The following RAI14 variants were observed in gnomAD, a reference collection of about 807,000 sequenced individuals.
RAI14 encodes retinoic acid induced 14.
In RAI14, 45 loss-of-function variants were observed where a neutral mutation model predicts 115.4. The observed-to-expected ratio is 0.39, with a 90% CI of 0.31 to 0.50. The LOEUF (loss-of-function observed/expected upper bound fraction) is 0.50. Among genes scored for constraint, RAI14 ranks in the 20% least tolerant of loss-of-function variants. The probability of loss-of-function intolerance (pLI) is 0.85; values close to 1 mark genes in which losing one functional copy is unlikely to be tolerated. For missense variants in RAI14, 939 were observed against 1,131.2 expected, an observed-to-expected ratio of 0.83 and a Z score of 2.44; for synonymous variants, 371 against 415.4, an observed-to-expected ratio of 0.89 and a Z score of 1.30.
intron 5 of RAI14, among the ~76,000 whole-genome samples, chr5:34,805,635 T>A (rs1050282290): frequency 1.3e-5 from 2 of 151,706 alleles, no homozygotes; most frequent in African/African-American, 2.4e-5. Context: ...AGGCCAGGAG[T>A]TCGTGACCAG....
intron 16 of RAI14, 107 bp downstream of exon 16, chr5:34,826,586 C>G: frequency 7.2e-7 from 1 of 1,381,618 alleles, no homozygotes; most frequent in Non-Finnish European, 9.7e-7. Context: ...ATTCCCAGCC[C>G]AAAGGAATGT....
At chr5:34,682,338 A>G (rs1201171112) in intron 1 of RAI14, among the ~76,000 whole-genome samples, 3 of 152,108 alleles carry the variant, frequency 2.0e-5, no homozygotes, top group Non-Finnish European at 2.9e-5. Context: ...TAAATCTTAG[A>G]ACATTTTCAT....
chr5:34,739,655 G>A (rs1314942739), intron 2 of RAI14, among the ~76,000 whole-genome samples: 2 of 152,192 alleles, frequency 1.3e-5, no homozygotes, highest in Admixed American at 1.3e-4. Context: ...GTTAAGCCCA[G>A]TGTTCTGCTT....
At chr5:34,828,133 A>G (rs1225955542) in intron 16 of RAI14, among the ~76,000 whole-genome samples, 1 of 152,138 alleles carries the variant, frequency 6.6e-6, no homozygotes, top group Non-Finnish European at 1.5e-5. Flanking sequence ...AAGTAAGTAG[A>G]TAGGTATCTG....
intron 15 of RAI14, 36 bp from the exon 16 acceptor site, chr5:34,826,294 T>C: frequency 6.3e-7 from 1 of 1,590,654 alleles, no homozygotes; most frequent in South Asian, 1.1e-5. Context: ...TGTAGACATG[T>C]TACTGTCTGC....
At chr5:34,681,850 T>G (rs1443942837) in intron 1 of RAI14, among the ~76,000 whole-genome samples, 1 of 68,754 alleles carries the variant, frequency 1.5e-5, no homozygotes, top group East Asian at 2.6e-4. Context: ...GGAATTTTCT[T>G]TCTTTCTTTT....
At chr5:34,698,386 T>A (rs1477651428) in intron 2 of RAI14, among the ~76,000 whole-genome samples, 1 of 151,658 alleles carries the variant, frequency 6.6e-6, no homozygotes, top group African/African-American at 2.4e-5. Flanking sequence ...TGCCTGGCAT[T>A]TGTAGTACCT....
At chr5:34,670,140 C>G (rs148223309) in intron 1 of RAI14, among the ~76,000 whole-genome samples, 1 of 152,328 alleles carries the variant, frequency 6.6e-6, no homozygotes, top group African/African-American at 2.4e-5. Context: ...AGAGGGACCT[C>G]TATGTGCCAG....
intron 5 of RAI14, 119 bp downstream of exon 5, chr5:34,803,895 C>A: frequency 1.2e-6 from 1 of 848,598 alleles, no homozygotes; most frequent in Non-Finnish European, 1.8e-6. Flanking sequence ...GTCCCCAAAC[C>A]TGTGTTTCCT....
Position 34,752,731 on chromosome 5 carries a change from GTGTGTGTGTGTGTGTGTGTA to G in RAI14, c.37-4735_37-4716del, listed in dbSNP as rs1561312108. Among the ~76,000 whole-genome samples, 11 of 99,026 alleles carry G rather than the reference GTGTGTGTGTGTGTGTGTGTA, an allele frequency of 1.1e-4. No homozygotes were observed. In the South Asian group the frequency reaches 2.3e-3, roughly 21 times the overall value. 65.0% of individuals were successfully genotyped at this position (99,026 alleles called of 152,430 possible). On this transcript the variant is annotated intron_variant, in intron 2 of 17. Transcript: ENST00000265109. ...TGTGTGTGTGTGTGTGTGTGTGTGTGTGTGTGTGTGTGTGTGTGTATATATATATATATATGTATCTTTTC... is the reference window on the plus strand; with the variant it reads ...TGTGTGTGTGTGTGTGTGTGTGTGTGTATATATATATATATGTATCTTTTC...
intron 1 of RAI14, among the ~76,000 whole-genome samples, chr5:34,678,366 G>A (rs537223548): frequency 2.4e-4 from 37 of 152,174 alleles, no homozygotes; most frequent in Admixed American, 1.0e-3. Flanking sequence ...GGAATGTTAC[G>A]GACTGAATTG....
intron 5 of RAI14, among the ~76,000 whole-genome samples, 164 bp from the exon 6 acceptor site, chr5:34,807,636 C>CT (rs1018016040): frequency 5.3e-5 from 8 of 152,236 alleles, no homozygotes; most frequent in Admixed American, 1.3e-4. Context: ...CATGAGTCTC[C>CT]TTCCCCATAG....
At chr5:34,777,030 G>A (rs893143250) in intron 3 of RAI14, among the ~76,000 whole-genome samples, 4 of 151,806 alleles carry the variant, frequency 2.6e-5, no homozygotes, top group Non-Finnish European at 1.5e-5. Flanking sequence ...AATTAGCCAG[G>A]CATAGTGGCA....
intron 12 of RAI14, among the ~76,000 whole-genome samples, 184 bp downstream of exon 12, chr5:34,814,853 A>G (rs1756015148): frequency 6.6e-6 from 1 of 152,224 alleles, no homozygotes; most frequent in South Asian, 2.1e-4. Context: ...GAATGTGTAC[A>G]GCTAGTTTGT....
At chr5:34,682,616 G>A (rs1217851566) in intron 1 of RAI14, among the ~76,000 whole-genome samples, 3 of 152,178 alleles carry the variant, frequency 2.0e-5, no homozygotes, top group Non-Finnish European at 4.4e-5. Context: ...CATCCATTCT[G>A]TGATGAGTGG....
chr5:34,747,003 G>A (rs1017871729), intron 2 of RAI14, among the ~76,000 whole-genome samples: 177 of 152,134 alleles, frequency 1.2e-3, no homozygotes, highest in Non-Finnish European at 2.1e-3. Flanking sequence ...TGTAAGAAGT[G>A]CCTTTTGCCT....
rs1031721279 is a variant in RAI14, at chr5:34,663,147, A to G, written c.-49+6672A>G. Among the ~76,000 whole-genome samples, 4 of 152,224 alleles carry G rather than the reference A, an allele frequency of 2.6e-5. No individual in the cohort carries two copies. The East Asian group carries it at 7.7e-4, about 29-fold the overall frequency. On this transcript the variant is annotated intron_variant, in intron 1 of 17. Transcript: ENST00000265109. ...AATTTTCTAGCTCCAGCCATCTACA[A>G]TGAACAAAAAAATTAGCCTCGTCTT...
intron 16 of RAI14, 100 bp downstream of exon 16, chr5:34,826,579 C>T: frequency 1.4e-6 from 2 of 1,421,402 alleles, no homozygotes; most frequent in South Asian, 2.9e-5. Context: ...CAAAAAGATT[C>T]CCAGCCCAAA....
chr5:34,762,640 G>A (rs1441842311), intron 3 of RAI14, among the ~76,000 whole-genome samples: 1 of 152,212 alleles, frequency 6.6e-6, no homozygotes, highest in Non-Finnish European at 1.5e-5. Context: ...AGAGCCAAGA[G>A]TTATAGCTGC....
Sources: allele counts gnomAD v4.1 joint callset (sites outside exome capture counted in the v4.1 genomes callset), GRCh38; gene constraint gnomAD v4.1.1; transcripts MANE v1.5; gene names NCBI Gene and HGNC (gene_info 2026-07-23, HGNC 2026-07-21).